Variants in SVIL observed in about 807,000 individuals in gnomAD.
The protein encoded by SVIL is supervillin.
A neutral mutation model predicts 240.4 loss-of-function variants in SVIL; 101 were observed. The observed-to-expected ratio is 0.42, with a 90% CI of 0.36 to 0.50. SVIL has a LOEUF of 0.50. Ranked by LOEUF, SVIL falls within the 20% of genes least tolerant of loss-of-function variation. SVIL has a pLI of 0.01. For synonymous variants in SVIL, 999 were observed against 1,100.0 expected (o/e 0.91, Z 1.82); for missense variants, 2,512 against 2,818.7 (o/e 0.89, Z 2.46).
rs533713530 is a variant in SVIL, at chr10:29,660,692, G to A, written c.-300-2624C>T. On this transcript the variant is annotated intron_variant, in intron 2 of 35. Coordinates refer to the SVIL transcript ENST00000375400. ...TCATCCCTCCCTCTTCTTAAAGAGAGTGCTAATCTCTGCCCAGACGCTCAC... is the reference window on the plus strand; with the variant it reads ...TCATCCCTCCCTCTTCTTAAAGAGAATGCTAATCTCTGCCCAGACGCTCAC... Among the ~76,000 whole-genome samples the A allele has an allele frequency of 3.9e-5, 6 of 152,298 alleles. No individual in the cohort carries two copies. The South Asian group carries it at 1.2e-3, about 32-fold the overall frequency.
intron 17 of SVIL, among the ~76,000 whole-genome samples, chr10:29,499,730 C>T (rs1232437243): frequency 6.6e-6 from 1 of 152,164 alleles, no homozygotes; most frequent in Non-Finnish European, 1.5e-5. Context: ...CAGTTAGAGA[C>T]AGGGAAGGCT....
intron 13 of SVIL, 80 bp downstream of exon 13, chr10:29,526,877 CGACA>C (rs1185926097): frequency 8.7e-7 from 1 of 1,145,594 alleles, no homozygotes; most frequent in Non-Finnish European, 1.2e-6. Flanking sequence ...GTCAAACAAA[CGACA>C]GACATTCAAG....
Position 29,730,976 on chromosome 10 carries a change from C to T in SVIL, c.-400+4775G>A, listed in dbSNP as rs146840261. Among the ~76,000 whole-genome samples, 887 of 152,204 alleles carry T rather than the reference C, an allele frequency of 5.8e-3. 8 individuals carry two copies. Among genetic ancestry groups the T allele is most frequent in the African/African-American group, 0.021 (853 of 41,542 alleles). ...AGACAAGCAGGCCTAGGTAGAGGCA[C>T]AATACGAAATCTTTTTTAAGGACAT... On this transcript the variant is annotated intron_variant, in intron 1 of 35. Transcript: ENST00000375400.
chr10:29,646,170 C>T (rs940910894), intron 3 of SVIL, among the ~76,000 whole-genome samples: 3 of 152,196 alleles, frequency 2.0e-5, no homozygotes, highest in Non-Finnish European at 2.9e-5. Context: ...AATGACAAGG[C>T]AATGAGTTCT....
At chr10:29,659,342 T>C (rs1188104965) in intron 2 of SVIL, among the ~76,000 whole-genome samples, 1 of 152,214 alleles carries the variant, frequency 6.6e-6, no homozygotes, top group Non-Finnish European at 1.5e-5. Flanking sequence ...TTGAGTTCCA[T>C]CTTCTCATCT....
chr10:29,530,375 G>C (rs1020158043), intron 11 of SVIL, among the ~76,000 whole-genome samples: 1 of 152,176 alleles, frequency 6.6e-6, no homozygotes, highest in Non-Finnish European at 1.5e-5. Flanking sequence ...AGGTGGGCCA[G>C]AGGCAGGAGG....
In SVIL at chr10:29,480,667, G is replaced by A. The variant is rs1473685408; in HGVS notation, c.5247C>T (p.Ile1749=). 6.2e-7 allele frequency: 1 copy of A among 1,614,220 alleles called. No individual in the cohort carries two copies. Among genetic ancestry groups the A allele is most frequent in the Admixed American group, 1.7e-5 (1 of 60,030 alleles). ...GCCAGACATCCACGGAAACGCTGGT[G>A]ATCTCAAACTGCCTCCTGTCGTGTC... The part of the protein sequence containing the change: ...VEGHDRRQFE[I]TSVSVDVWHI... The change falls in exon 29 of 38, where the codon ATC becomes ATT. Residue 1749 remains isoleucine (I), a synonymous_variant. Coordinates refer to ENST00000355867, the MANE Select transcript of SVIL (RefSeq NM_021738.3).
intron 2 of SVIL, among the ~76,000 whole-genome samples, chr10:29,685,433 A>G (rs1394453050): frequency 6.6e-6 from 1 of 152,220 alleles, no homozygotes; most frequent in Non-Finnish European, 1.5e-5. Context: ...GTTTGGGTCT[A>G]TAGCCAGTAA....
chr10:29,625,481 T>G (rs902148051), intron 1 of SVIL, among the ~76,000 whole-genome samples: 2 of 152,170 alleles, frequency 1.3e-5, no homozygotes, highest in African/African-American at 4.8e-5. Context: ...TCCTTTTTTT[T>G]GAGACGGAGT....
intron 2 of SVIL, among the ~76,000 whole-genome samples, chr10:29,683,897 C>T (rs12252896): frequency 3.3e-4 from 51 of 152,246 alleles, no homozygotes; most frequent in African/African-American, 1.2e-3. Context: ...CCTCTCTAAC[C>T]TCATGGCACA....
chr10:29,725,880 G>C (rs1430538219), intron 1 of SVIL, among the ~76,000 whole-genome samples: 1 of 152,230 alleles, frequency 6.6e-6, no homozygotes, highest in Non-Finnish European at 1.5e-5. Flanking sequence ...ATAGGAGAGA[G>C]TGGGGCTAGG....
chr10:29,507,755 A>G, intron 17 of SVIL: 2 of 985,386 alleles, frequency 2.0e-6, no homozygotes, highest in South Asian at 9.4e-5. Flanking sequence ...TCGACACAAA[A>G]GACAGGTATT....
chr10:29,522,409 C>T lies in SVIL; in HGVS notation c.3389+1G>A. ...ACTTTTCGCTCACCGAATCTCATTA[C>T]CTTTCTTTAATAGACATGGTTTTGC... is the stretch of plus-strand genomic sequence containing the variant. On this transcript the variant is annotated splice_donor_variant, in intron 16 of 37. Transcript: ENST00000355867. LOFTEE classifies it high-confidence loss of function. 6.2e-7 allele frequency: 1 copy of T among 1,614,082 alleles called. No homozygotes were observed. The highest frequency in any genetic ancestry group is 2.2e-5 in the East Asian group (1 of 44,880).
At chr10:29,528,244 T>C (rs111930260) in intron 12 of SVIL, among the ~76,000 whole-genome samples, 1 of 152,166 alleles carries the variant, frequency 6.6e-6, no homozygotes, top group Non-Finnish European at 1.5e-5. Flanking sequence ...AGGATATACT[T>C]AGCTACAAAT....
chr10:29,549,855 C>A (rs1266767309), intron 6 of SVIL, among the ~76,000 whole-genome samples: 1 of 112,384 alleles, frequency 8.9e-6, no homozygotes. Context: ...GGGAACATCA[C>A]ACTCTGGGGA....
Position 29,589,819 on chromosome 10 carries a change from T to C in SVIL, c.-200-20507A>G, listed in dbSNP as rs569064901. Among the ~76,000 whole-genome samples the C allele has an allele frequency of 2.0e-5, 3 of 152,272 alleles. No individual in the cohort carries two copies. The East Asian group carries it at 5.8e-4, about 29-fold the overall frequency. On this transcript the variant is annotated intron_variant, in intron 1 of 37. Coordinates refer to ENST00000355867, the MANE Select transcript of SVIL (RefSeq NM_021738.3). ...AGATAGTAATAAAAGAATACATTAA[T>C]TTCCCACATAATAGGCAATGTCTAC... is the stretch of plus-strand genomic sequence containing the variant.
At chr10:29,463,418 G>C in intron 35 of SVIL, 74 bp downstream of exon 35, 2 of 1,521,388 alleles carry the variant, frequency 1.3e-6, no homozygotes, top group Non-Finnish European at 1.8e-6. Context: ...AGGGGAAGGG[G>C]GTCTCCTGGC....
chr10:29,661,830 TTTC>T (rs1242780708), intron 2 of SVIL, among the ~76,000 whole-genome samples: 2 of 152,180 alleles, frequency 1.3e-5, no homozygotes, highest in African/African-American at 4.8e-5. Context: ...TCAAATAAAC[TTTC>T]TTTCTTTTTT....
chr10:29,655,418 A>ATT (rs1275757113), intron 3 of SVIL, among the ~76,000 whole-genome samples: 1 of 152,224 alleles, frequency 6.6e-6, no homozygotes, highest in East Asian at 1.9e-4. Flanking sequence ...AGCATCCAGC[A>ATT]CAGGAAGAGG....
Sources: allele counts gnomAD v4.1 joint callset (sites outside exome capture counted in the v4.1 genomes callset), GRCh38; gene constraint gnomAD v4.1.1; transcripts MANE v1.5; gene names NCBI Gene and HGNC (gene_info 2026-07-23, HGNC 2026-07-21).